The following ERG variants were observed in gnomAD, a reference collection of about 807,000 sequenced individuals.
ERG encodes the protein transcriptional regulator ERG.
A neutral mutation model predicts 55.3 loss-of-function variants in ERG; 9 were observed. That is an observed-to-expected ratio of 0.16 (90% CI 0.10 to 0.28). The LOEUF (loss-of-function observed/expected upper bound fraction) is 0.28, where lower values mean the gene tolerates loss of function less well. ERG is among the 10% of genes least tolerant of loss of function. ERG has a pLI of 1.00. For missense variants in ERG, 434 were observed against 631.6 expected (o/e 0.69, Z 3.35); for synonymous variants, 223 against 237.3 (o/e 0.94, Z 0.55).
chr21:38,470,425 TAA>T (rs2059129345), intron 1 of ERG, among the ~76,000 whole-genome samples: 2 of 152,210 alleles, frequency 1.3e-5, no homozygotes, highest in Non-Finnish European at 2.9e-5. Context: ...TCTGCCAAGC[TAA>T]GTCGTAAGAT....
Position 38,429,422 on chromosome 21 carries a change from CAT to C in ERG, c.237-5863_237-5862del, listed in dbSNP as rs760128665. Among the ~76,000 whole-genome samples the C allele has an allele frequency of 1.6e-3, 172 of 108,514 alleles. 63 individuals carry two copies. Among genetic ancestry groups the C allele is most frequent in the Non-Finnish European group, 2.3e-3 (104 of 45,690 alleles). 71.2% of individuals were successfully genotyped at this position (108,514 alleles called of 152,430 possible). ...ACACATGTACATACGCACATATAAA[CAT>C]GTGTGTATACATGTATACACGTGTA... is the stretch of plus-strand genomic sequence containing the variant. On this transcript the variant is annotated intron_variant, in intron 2 of 9. Coordinates refer to ENST00000288319, the MANE Select transcript of ERG (RefSeq NM_182918.4).
chr21:38,458,559 C>T (rs1157569370), intron 1 of ERG, among the ~76,000 whole-genome samples: 1 of 152,060 alleles, frequency 6.6e-6, no homozygotes, highest in Non-Finnish European at 1.5e-5. Flanking sequence ...TCACAATGCA[C>T]TTTCGCAATA....
intron 1 of ERG, among the ~76,000 whole-genome samples, chr21:38,491,854 T>C: frequency 6.6e-6 from 1 of 152,232 alleles, no homozygotes; most frequent in East Asian, 1.9e-4. Flanking sequence ...TCTCGCCAAA[T>C]ATGGAAAGAA....
chr21:38,600,717 T>C (rs757326112), intron 1 of ERG, among the ~76,000 whole-genome samples: 7 of 152,224 alleles, frequency 4.6e-5, no homozygotes, highest in Admixed American at 3.9e-4. Context: ...CAGTTGAATG[T>C]AGAATTAAAC....
At chr21:38,394,724 C>A (rs1352842232) in intron 6 of ERG, among the ~76,000 whole-genome samples, 1 of 152,144 alleles carries the variant, frequency 6.6e-6, no homozygotes, top group Non-Finnish European at 1.5e-5. Context: ...CTGCTCTAGA[C>A]CATTGCTCTT....
At chr21:38,611,002 T>C (rs1467356469) in intron 1 of ERG, among the ~76,000 whole-genome samples, 6 of 152,202 alleles carry the variant, frequency 3.9e-5, no homozygotes, top group African/African-American at 1.4e-4. Context: ...AAGCAATCCC[T>C]GCTATCCACA....
chr21:38,375,610 T>C (rs780364555), downstream of ERG, among the ~76,000 whole-genome samples: 8 of 152,226 alleles, frequency 5.3e-5, no homozygotes, highest in African/African-American at 1.4e-4. Context: ...AAACTGAGAA[T>C]TGGATTGAAG....
At chr21:38,534,122 T>A (rs2059692118) in intron 2 of ERG, among the ~76,000 whole-genome samples, 1 of 152,168 alleles carries the variant, frequency 6.6e-6, no homozygotes, top group South Asian at 2.1e-4. Flanking sequence ...GCTGGACAGC[T>A]CCTTGACTCA....
intron 1 of ERG, among the ~76,000 whole-genome samples, chr21:38,450,300 C>T (rs1370976719): frequency 2.0e-5 from 3 of 152,074 alleles, no homozygotes; most frequent in African/African-American, 7.2e-5. Context: ...ATTGCTTGAA[C>T]CCGGGAAGCG....
chr21:38,539,704 T>G (rs1423141431), intron 2 of ERG, among the ~76,000 whole-genome samples: 2 of 152,022 alleles, frequency 1.3e-5, no homozygotes. Context: ...GCCCACCTTG[T>G]TTTGCTAATG....
chr21:38,473,600 T>A (rs531396233), intron 1 of ERG, among the ~76,000 whole-genome samples: 58 of 152,248 alleles, frequency 3.8e-4, no homozygotes, highest in Admixed American at 2.2e-3. Context: ...CATTTACAAA[T>A]CCTAGGAGAA....
rs1989641085 is a variant in ERG at position 38,423,407 on chromosome 21, G to T, written c.388+3C>A. 6.2e-7 allele frequency: 1 copy of T among 1,611,524 alleles called. No homozygotes were observed. Among genetic ancestry groups the T allele is most frequent in the Non-Finnish European group, 8.5e-7 (1 of 1,178,236 alleles). ...GAGGGCAGTGAAGCTGTGGGCACCTGACCTGCTGGCACGATAACTCTGCGC... is the reference window on the plus strand; with the variant it reads ...GAGGGCAGTGAAGCTGTGGGCACCTTACCTGCTGGCACGATAACTCTGCGC... On this transcript the variant is annotated splice_donor_region_variant and intron_variant, in intron 3 of 9. Coordinates refer to ENST00000288319, the MANE Select transcript of ERG (RefSeq NM_182918.4).
intron 2 of ERG, among the ~76,000 whole-genome samples, chr21:38,551,293 C>A (rs1450003048): frequency 6.6e-6 from 1 of 151,950 alleles, no homozygotes; most frequent in Non-Finnish European, 1.5e-5. Flanking sequence ...TTTCAAAAAA[C>A]CAACTTTTAT....
intron 1 of ERG, among the ~76,000 whole-genome samples, chr21:38,469,640 T>C (rs2059122828): frequency 6.6e-6 from 1 of 152,232 alleles, no homozygotes; most frequent in African/African-American, 2.4e-5. Context: ...TCTTTCATTT[T>C]TTACTATCAA....
rs140397721 is a variant in ERG, at chr21:38,509,361, G to T, written c.-41+66301C>A. 9.6e-3 allele frequency among the ~76,000 whole-genome samples: 1,456 copies of T among 152,334 alleles called. 19 individuals carry two copies. Among genetic ancestry groups the T allele is most frequent in the Non-Finnish European group, 0.014 (953 of 68,034 alleles). The stretch of plus-strand genomic sequence containing the variant: ...CTAAGCATTGTCGGTCACTGGAGGT[G>T]CAGAAAAGAAGTGAAGCAGTATTCA... On this transcript the variant is annotated intron_variant, in intron 2 of 8. Coordinates refer to the ERG transcript ENST00000398897.
At chr21:38,400,168 T>C in intron 6 of ERG, 1 of 416,980 alleles carries the variant, frequency 2.4e-6, no homozygotes, top group Admixed American at 3.5e-5. Flanking sequence ...TGCATGCTTC[T>C]GCTCTGCAAG....
intron 1 of ERG, among the ~76,000 whole-genome samples, chr21:38,653,355 G>A (rs370690100): frequency 2.0e-5 from 3 of 152,184 alleles, no homozygotes; most frequent in African/African-American, 4.8e-5. Flanking sequence ...CCCAGGATCC[G>A]GAGCACCCCC....
chr21:38,380,110 A>G lies in ERG; in HGVS notation c.*3293T>C. Reference sequence around the variant, plus strand: ...ACTTTATTTGAATGAATTAATGAGAAGCTAAATAAACTAGCTTTTTAAAAA... The same window carrying G: ...ACTTTATTTGAATGAATTAATGAGAGGCTAAATAAACTAGCTTTTTAAAAA... On this transcript the variant is annotated 3_prime_UTR_variant, in exon 10 of 10. Transcript: ENST00000288319. 2.9e-6 allele frequency: 3 copies of G among 1,027,270 alleles called. No individual in the cohort carries two copies. Among genetic ancestry groups the G allele is most frequent in the Non-Finnish European group, 3.5e-6 (3 of 855,048 alleles). 63.6% of individuals were successfully genotyped at this position (1,027,270 alleles called of 1,614,324 possible).
At chr21:38,428,669 A>C (rs1569090892) in intron 2 of ERG, among the ~76,000 whole-genome samples, 1 of 152,180 alleles carries the variant, frequency 6.6e-6, no homozygotes, top group Non-Finnish European at 1.5e-5. Flanking sequence ...AAACATACAC[A>C]TACTTTTAAA....
Sources: gnomAD v4.1 joint callset for allele counts (sites outside exome capture counted in the v4.1 genomes callset) on GRCh38, gnomAD v4.1.1 for gene constraint, MANE v1.5 for transcripts, NCBI Gene and HGNC (gene_info 2026-07-23, HGNC 2026-07-21) for gene names.